FMNL2: variants seen among roughly 807,000 people sequenced by gnomAD.
The protein encoded by FMNL2 is formin-like protein 2.
Under a neutral mutation model 130.2 loss-of-function variants are expected in FMNL2, and 51 were observed. The observed-to-expected ratio is 0.39, with a 90% CI of 0.31 to 0.49. The LOEUF (loss-of-function observed/expected upper bound fraction) is 0.49, where lower values mean the gene tolerates loss of function less well. Among genes scored for constraint, FMNL2 ranks in the 20% least tolerant of loss-of-function variants. The pLI, the probability that FMNL2 is intolerant of heterozygous loss-of-function variation, is 0.85. For missense variants in FMNL2, 977 were observed against 1,316.2 expected, an observed-to-expected ratio of 0.74 and a Z score of 3.99; for synonymous variants, 465 against 467.1, an observed-to-expected ratio of 1.00 and a Z score of 0.06.
chr2:152,359,231 TAG>T (rs1349181656), intron 1 of FMNL2, among the ~76,000 whole-genome samples: 2 of 152,224 alleles, frequency 1.3e-5, no homozygotes, highest in East Asian at 1.9e-4. Flanking sequence ...CTAATATTTA[TAG>T]AGTCTTTTTT....
At chr2:152,457,716 T>C (rs1041674529) in intron 1 of FMNL2, among the ~76,000 whole-genome samples, 9 of 152,234 alleles carry the variant, frequency 5.9e-5, no homozygotes, top group African/African-American at 2.2e-4. Context: ...TATCATTTTA[T>C]AGTTCTGGCA....
At chr2:152,560,109 G>A (rs985895796) in intron 5 of FMNL2, among the ~76,000 whole-genome samples, 3 of 149,796 alleles carry the variant, frequency 2.0e-5, no homozygotes, top group Non-Finnish European at 4.4e-5. Flanking sequence ...CCTTCTGATT[G>A]TTCTACTGTC....
intron 1 of FMNL2, among the ~76,000 whole-genome samples, chr2:152,484,103 A>G (rs1467177341): frequency 6.6e-6 from 1 of 152,286 alleles, no homozygotes; most frequent in East Asian, 1.9e-4. Context: ...TCCAACGGTA[A>G]TGGCCCTGAT....
At chr2:152,442,970 G>A (rs1212090341) in intron 1 of FMNL2, among the ~76,000 whole-genome samples, 2 of 152,120 alleles carry the variant, frequency 1.3e-5, no homozygotes, top group African/African-American at 2.4e-5. Flanking sequence ...TAGAGGGATC[G>A]CTCGGGCCGC....
At chr2:152,375,877 C>CTCTCTCTCTCTCTCTCTCTCTATA (rs796954245) in intron 1 of FMNL2, among the ~76,000 whole-genome samples, 1 of 112,480 alleles carries the variant, frequency 8.9e-6, no homozygotes, top group East Asian at 5.4e-4. Context: ...CTCTCTCTCT[C>CTCTCTCTCTCTCTCTCTCTCTATA]TATATATATA....
At chr2:152,563,694 C>G (rs1182303768) in intron 6 of FMNL2, among the ~76,000 whole-genome samples, 1 of 152,022 alleles carries the variant, frequency 6.6e-6, no homozygotes, top group Non-Finnish European at 1.5e-5. Context: ...TTTTTACCAT[C>G]CTCCCTTTTC....
chr2:152,424,589 C>A (rs1180292999), intron 1 of FMNL2, among the ~76,000 whole-genome samples: 1 of 152,072 alleles, frequency 6.6e-6, no homozygotes, highest in Non-Finnish European at 1.5e-5. Context: ...CAGGGCTTCA[C>A]CATGTTGGCC....
intron 1 of FMNL2, among the ~76,000 whole-genome samples, chr2:152,498,742 T>G (rs997643282): frequency 6.6e-6 from 1 of 152,192 alleles, no homozygotes; most frequent in Non-Finnish European, 1.5e-5. Flanking sequence ...ACCACCACCC[T>G]TTTTCTTTAA....
In FMNL2 at chr2:152,556,192, T is replaced by C. The variant is rs1320031501; in HGVS notation, c.360-2548T>C. Among the ~76,000 whole-genome samples the C allele has an allele frequency of 5.9e-5, 9 of 152,300 alleles. No homozygotes were observed. The East Asian group carries it at 1.5e-3, about 26-fold the overall frequency. Reference sequence around the variant, plus strand: ...TTCATGTCATCCATACCCTTATTGCTGAAATGACTTTGCTAAGCTAACCTG... The same window carrying C: ...TTCATGTCATCCATACCCTTATTGCCGAAATGACTTTGCTAAGCTAACCTG... On this transcript the variant is annotated intron_variant, in intron 4 of 25. Transcript: ENST00000288670.
intron 1 of FMNL2, among the ~76,000 whole-genome samples, chr2:152,410,332 A>T (rs1490014625): frequency 6.6e-6 from 1 of 152,218 alleles, no homozygotes; most frequent in East Asian, 1.9e-4. Context: ...TAGCCAGTGA[A>T]ATGATTGGCG....
intron 1 of FMNL2, among the ~76,000 whole-genome samples, chr2:152,409,729 A>G (rs1686182702): frequency 6.6e-6 from 1 of 152,188 alleles, no homozygotes; most frequent in African/African-American, 2.4e-5. Context: ...TACTTTATGG[A>G]GAACTTTGTA....
chr2:152,638,721 G>C (rs1580157733), intron 23 of FMNL2, among the ~76,000 whole-genome samples: 1 of 152,174 alleles, frequency 6.6e-6, no homozygotes, highest in African/African-American at 2.4e-5. Context: ...AGAAGGCTGC[G>C]GGCCACCAAC....
At chr2:152,571,520 T>G (rs1696166737) in intron 6 of FMNL2, among the ~76,000 whole-genome samples, 1 of 152,166 alleles carries the variant, frequency 6.6e-6, no homozygotes, top group Non-Finnish European at 1.5e-5. Context: ...AAGAAAATAT[T>G]ATAGTAACCG....
intron 1 of FMNL2, among the ~76,000 whole-genome samples, chr2:152,497,333 GT>G (rs892727678): frequency 1.3e-5 from 2 of 151,846 alleles, no homozygotes; most frequent in Non-Finnish European, 2.9e-5. Context: ...TGTTTTTAGT[GT>G]TAGAATAGAG....
chr2:152,644,820 T>G (rs1054929787), intron 25 of FMNL2, among the ~76,000 whole-genome samples: 1 of 152,150 alleles, frequency 6.6e-6, no homozygotes, highest in African/African-American at 2.4e-5. Context: ...AATGCCACTG[T>G]TTTTAAATTG....
At chr2:152,641,669 A>C (rs1683092602) in intron 25 of FMNL2, among the ~76,000 whole-genome samples, 2 of 152,156 alleles carry the variant, frequency 1.3e-5, no homozygotes, top group Non-Finnish European at 2.9e-5. Context: ...TCCCTCATCC[A>C]TTTCAACAAT....
chr2:152,631,337 G>GC (rs919170727), intron 20 of FMNL2, among the ~76,000 whole-genome samples: 6 of 142,248 alleles, frequency 4.2e-5, no homozygotes, highest in African/African-American at 1.6e-4. Context: ...AGTTTGTAGT[G>GC]AGCCAAGATT....
chr2:152,366,837 G>A (rs1006319050), intron 1 of FMNL2, among the ~76,000 whole-genome samples: 2 of 152,046 alleles, frequency 1.3e-5, no homozygotes, highest in Non-Finnish European at 2.9e-5. Flanking sequence ...TTGGTGGTGT[G>A]TACCTGTAGT....
intron 4 of FMNL2, among the ~76,000 whole-genome samples, chr2:152,558,368 C>T (rs1162836495): frequency 6.6e-6 from 1 of 152,188 alleles, no homozygotes; most frequent in African/African-American, 2.4e-5. Flanking sequence ...CCATCTGCCT[C>T]ATTGTCCATA....
Sources: gnomAD v4.1 joint callset for allele counts (sites outside exome capture counted in the v4.1 genomes callset) on GRCh38, gnomAD v4.1.1 for gene constraint, MANE v1.5 for transcripts, NCBI Gene and HGNC (gene_info 2026-07-23, HGNC 2026-07-21) for gene names.